The following ATP5F1E variants were observed in gnomAD, a reference collection of about 807,000 sequenced individuals.
ATP5F1E encodes the protein ATP synthase F1 subunit epsilon.
Under a neutral mutation model 7.0 loss-of-function variants are expected in ATP5F1E, and 5 were observed. The ratio of observed to expected loss-of-function variants is 0.71; its 90% CI spans 0.37 to 1.49. ATP5F1E has a LOEUF of 1.49. ATP5F1E is among the 40% of genes most tolerant of loss of function. The pLI, the probability that ATP5F1E is intolerant of heterozygous loss-of-function variation, is 0.03. For synonymous variants in ATP5F1E, 20 were observed against 20.1 expected (o/e 0.99, Z 0.02); for missense variants, 59 against 57.1 (o/e 1.03, Z -0.11).
Position 59,026,940 on chromosome 20 carries a change from A to G in ATP5F1E, c.*1905T>C, listed in dbSNP as rs151352. 103,844 of 152,106 alleles carry G rather than the reference A, an allele frequency of 0.68. 35,785 individuals carry two copies. The highest frequency in any genetic ancestry group is 0.9 in the East Asian group (4,638 of 5,182). 9.4% of individuals were successfully genotyped at this position (152,106 alleles called of 1,614,324 possible). Reference sequence around the variant, plus strand: ...GACAGCTTCAAACATCATCCAACTAATTAGTGGGATACTCATTAAGTTGGT... The same window carrying G: ...GACAGCTTCAAACATCATCCAACTAGTTAGTGGGATACTCATTAAGTTGGT... On this transcript the variant is annotated 3_prime_UTR_variant, in exon 3 of 3. Transcript: ENST00000243997.
Position 59,032,257 on chromosome 20 carries a change from A to T in ATP5F1E, c.-6T>A. The T allele has an allele frequency of 1.2e-6, 2 of 1,601,726 alleles. No homozygotes were observed. Among genetic ancestry groups the T allele is most frequent in the Non-Finnish European group, 1.7e-6 (2 of 1,174,800 alleles). ...TGTCTCCAGTAGGCCACCATGCTGT[A>T]GCGAAAGCGGAGCTCGTCGGGCCGA... On this transcript the variant is annotated 5_prime_UTR_variant, in exon 1 of 3. Transcript: ENST00000243997.
chr20:59,032,106 G>A lies in ATP5F1E; in HGVS notation c.32+114C>T, dbSNP rs550319635. 47 of 1,443,620 alleles carry A rather than the reference G, an allele frequency of 3.3e-5. No homozygotes were observed. In the East Asian group the frequency reaches 1.1e-3, roughly 35 times the overall value. The allele number at this position is 1,443,620 out of a possible 1,614,324, so 89.4% of individuals were successfully genotyped here. A position where few individuals can be genotyped will look rare whatever the true frequency, so the allele number is the denominator to read the frequency against. ...ATCTTGGCGGCGACGCCCGAGGCTT[G>A]GCCCAACCCCGGTCACGCGTGGGGC... On this transcript the variant is annotated intron_variant, in intron 1 of 2. Transcript: ENST00000243997.
At chr20:59,029,952 C>T (rs1346378075) in intron 2 of ATP5F1E, 2 of 330,144 alleles carry the variant, frequency 6.1e-6, no homozygotes, top group Admixed American at 9.1e-5. Flanking sequence ...TGTTATGTAA[C>T]TCCAATTGCA....
Position 59,032,252 on chromosome 20 carries a change from G to A in ATP5F1E, c.-1C>T. 6.2e-7 allele frequency: 1 copy of A among 1,601,984 alleles called. No individual in the cohort carries two copies. Among genetic ancestry groups the A allele is most frequent in the Non-Finnish European group, 8.5e-7 (1 of 1,174,982 alleles). On this transcript the variant is annotated 5_prime_UTR_variant, in exon 1 of 3. Coordinates refer to ENST00000243997, the MANE Select transcript of ATP5F1E (RefSeq NM_006886.4). Reference sequence around the variant, plus strand: ...CAGCCTGTCTCCAGTAGGCCACCATGCTGTAGCGAAAGCGGAGCTCGTCGG... The same window carrying A: ...CAGCCTGTCTCCAGTAGGCCACCATACTGTAGCGAAAGCGGAGCTCGTCGG...
At chr20:59,031,838 CCT>C (rs1306047015) in intron 1 of ATP5F1E, among the ~76,000 whole-genome samples, 1 of 152,262 alleles carries the variant, frequency 6.6e-6, no homozygotes, top group Non-Finnish European at 1.5e-5. Context: ...AGAGAAATCT[CCT>C]GTTTCCCGAG....
intron 2 of ATP5F1E, chr20:59,030,029 T>G (rs2092015887): frequency 2.7e-6 from 1 of 367,184 alleles, no homozygotes; most frequent in African/African-American, 2.1e-5. Context: ...ACAGGTTTAA[T>G]TCAAATACGA....
chr20:59,031,407 C>T (rs184191086), intron 1 of ATP5F1E, among the ~76,000 whole-genome samples: 24 of 152,308 alleles, frequency 1.6e-4, no homozygotes, highest in Non-Finnish European at 1.3e-4. Context: ...TCCATCCTTC[C>T]AATTCTACAA....
At chr20:59,031,283 G>A (rs759397111) in intron 1 of ATP5F1E, among the ~76,000 whole-genome samples, 2 of 152,126 alleles carry the variant, frequency 1.3e-5, no homozygotes, top group Non-Finnish European at 2.9e-5. Flanking sequence ...AGAATAAAAG[G>A]ACAATAATAC....
At chr20:59,032,114 C>T in intron 1 of ATP5F1E, 106 bp downstream of exon 1, 1 of 1,480,154 alleles carries the variant, frequency 6.8e-7, no homozygotes, top group Non-Finnish European at 9.1e-7. Flanking sequence ...TTGGCCCAAC[C>T]CCGGTCACGC....
At chr20:59,032,147 T>C (rs1295851989) in intron 1 of ATP5F1E, 73 bp downstream of exon 1, 1 of 1,544,814 alleles carries the variant, frequency 6.5e-7, no homozygotes, top group Non-Finnish European at 8.8e-7. Context: ...CTCTGTGTCC[T>C]GCATGACCTC....
Position 59,032,302 on chromosome 20 carries a change from TGTCGGCTCA to T in ATP5F1E, c.-60_-52del. 1 of 1,581,480 alleles carries T rather than the reference TGTCGGCTCA, an allele frequency of 6.3e-7. No homozygotes were observed. The highest frequency in any genetic ancestry group is 1.7e-4 in the Middle Eastern group (1 of 5,952). On this transcript the variant is annotated 5_prime_UTR_variant, in exon 1 of 3. Coordinates refer to ENST00000243997, the MANE Select transcript of ATP5F1E (RefSeq NM_006886.4). ...GGCCGAATCGCCAAGACGCCGGCAA[TGTCGGCTCA>T]GCCGGGCGGTTCAGCCGCAGGAAGA... is the stretch of plus-strand genomic sequence containing the variant.
Position 59,027,936 on chromosome 20 carries a change from T to C in ATP5F1E, c.*909A>G, listed in dbSNP as rs931763093. 3 of 152,216 alleles carry C rather than the reference T, an allele frequency of 2.0e-5. No homozygotes were observed. Among genetic ancestry groups the C allele is most frequent in the Admixed American group, 6.5e-5 (1 of 15,280 alleles). 9.4% of individuals were successfully genotyped at this position (152,216 alleles called of 1,614,324 possible). A position where few individuals can be genotyped will look rare whatever the true frequency, so the allele number is the denominator to read the frequency against. On this transcript the variant is annotated 3_prime_UTR_variant, in exon 3 of 3. Coordinates refer to ENST00000243997, the MANE Select transcript of ATP5F1E (RefSeq NM_006886.4). ...CTGATCCTAGAATGGTGTTTCAAAATTTCCAGTTCAAATTTATTTCTCCAG... is the reference window on the plus strand; with the variant it reads ...CTGATCCTAGAATGGTGTTTCAAAACTTCCAGTTCAAATTTATTTCTCCAG...
intron 1 of ATP5F1E, 44 bp from the exon 2 acceptor site, chr20:59,030,473 C>T (rs748998834): frequency 6.2e-6 from 10 of 1,609,504 alleles, no homozygotes; most frequent in Non-Finnish European, 8.5e-6. Context: ...TATCAATATT[C>T]CAGCCAGACA....
rs1042111404 is a variant in ATP5F1E, at chr20:59,028,145, T to G, written c.*700A>C. 6 of 152,234 alleles carry G rather than the reference T, an allele frequency of 3.9e-5. No homozygotes were observed. The highest frequency in any genetic ancestry group is 5.9e-5 in the Non-Finnish European group (4 of 68,040). The allele number at this position is 152,234 out of a possible 1,614,324, so 9.4% of individuals were successfully genotyped here. A position where few individuals can be genotyped will look rare whatever the true frequency, so the allele number is the denominator to read the frequency against. On this transcript the variant is annotated 3_prime_UTR_variant, in exon 3 of 3. Transcript: ENST00000243997. ...CTGTTGTGGTCACCGTGTCCCAGAC[T>G]TGCAGTCAAAACTCCTAGGTTTTAA...
intron 2 of ATP5F1E, chr20:59,029,190 C>G (rs1446881015): frequency 1.3e-5 from 2 of 152,146 alleles, no homozygotes; most frequent in African/African-American, 4.8e-5. Flanking sequence ...CTTCCTGACC[C>G]CCAGGACTTT....
Position 59,026,322 on chromosome 20 carries a change from C to T in ATP5F1E, c.*2523G>A, listed in dbSNP as rs1311572137. Reference sequence around the variant, plus strand: ...ACATTCATGTTTTAAATGCTTTCTACTTGTGGTTCAAGAAGCACTAGATTT... The same window carrying T: ...ACATTCATGTTTTAAATGCTTTCTATTTGTGGTTCAAGAAGCACTAGATTT... On this transcript the variant is annotated 3_prime_UTR_variant, in exon 3 of 3. Coordinates refer to ENST00000243997, the MANE Select transcript of ATP5F1E (RefSeq NM_006886.4). The T allele has an allele frequency of 6.6e-6, 1 of 152,170 alleles. No individual in the cohort carries two copies. The highest frequency in any genetic ancestry group is 1.5e-5 in the Non-Finnish European group (1 of 68,026). 9.4% of individuals were successfully genotyped at this position (152,170 alleles called of 1,614,324 possible).
At chr20:59,029,609 C>T (rs1475012087) in intron 2 of ATP5F1E, 1 of 152,192 alleles carries the variant, frequency 6.6e-6, no homozygotes, top group Non-Finnish European at 1.5e-5. Context: ...ATAACAATGT[C>T]AAGAAAGTAC....
rs2091990751 is a variant in ATP5F1E, at chr20:59,025,677, G to GA, written c.*3167dup. 1 of 152,192 alleles carries GA rather than the reference G, an allele frequency of 6.6e-6. No individual in the cohort carries two copies. Among genetic ancestry groups the GA allele is most frequent in the Non-Finnish European group, 1.5e-5 (1 of 68,042 alleles). The allele number at this position is 152,192 out of a possible 1,614,324, so 9.4% of individuals were successfully genotyped here. A position where few individuals can be genotyped will look rare whatever the true frequency, so the allele number is the denominator to read the frequency against. ...GCTCTGCAGCCTCTCTGCTCTTTGA[G>GA]AAAGGGCACACCATGCGCTCGGCAA... On this transcript the variant is annotated 3_prime_UTR_variant, in exon 3 of 3. Transcript: ENST00000243997.
Position 59,026,073 on chromosome 20 carries a change from A to C in ATP5F1E, c.*2772T>G, listed in dbSNP as rs2091992897. On this transcript the variant is annotated 3_prime_UTR_variant, in exon 3 of 3. Coordinates refer to ENST00000243997, the MANE Select transcript of ATP5F1E (RefSeq NM_006886.4). ...AAATGCTCCGACCCTCAATGCAGTA[A>C]ATATTTACTTGCAGGCAACTGGGTT... The C allele has an allele frequency of 6.6e-6, 1 of 152,190 alleles. No homozygotes were observed. The allele number at this position is 152,190 out of a possible 1,614,324, so 9.4% of individuals were successfully genotyped here.
Sources: gnomAD v4.1 joint callset for allele counts (sites outside exome capture counted in the v4.1 genomes callset) on GRCh38, gnomAD v4.1.1 for gene constraint, MANE v1.5 for transcripts, NCBI Gene and HGNC (gene_info 2026-07-23, HGNC 2026-07-21) for gene names.